DNAH7: variants seen among roughly 807,000 people sequenced by gnomAD.
DNAH7 encodes axonemal beta dynein heavy chain 7.
A neutral mutation model predicts 444.6 loss-of-function variants in DNAH7; 397 were observed. That is an observed-to-expected ratio of 0.89 (90% CI 0.82 to 0.97). The LOEUF is 0.97. Ranked by LOEUF, DNAH7 falls within the 50% of genes least tolerant of loss-of-function variation. The pLI is 0.00. For missense variants in DNAH7, 4,902 were observed against 4,800.8 expected (o/e 1.02, Z -0.62); for synonymous variants, 1,636 against 1,624.4 (o/e 1.01, Z -0.17).
intron 21 of DNAH7, among the ~76,000 whole-genome samples, chr2:195,929,913 AC>A (rs1323102004): frequency 1.3e-5 from 2 of 152,276 alleles, no homozygotes; most frequent in East Asian, 3.8e-4. Context: ...AGCAAAAGAA[AC>A]TATCAACAGA....
chr2:195,737,844 A>T lies in DNAH7; in HGVS notation c.*77T>A. 2 of 1,283,660 alleles carry T rather than the reference A, an allele frequency of 1.6e-6. No homozygotes were observed. The highest frequency in any genetic ancestry group is 2.2e-6 in the Non-Finnish European group (2 of 929,722). The allele number at this position is 1,283,660 out of a possible 1,614,324, so 79.5% of individuals were successfully genotyped here. ...AATGTATTTAAACAAACAAAAAAAA[A>T]GGTTTAAGTAGTAAAATATGCTTTC... On this transcript the variant is annotated 3_prime_UTR_variant, in exon 65 of 65. Coordinates refer to ENST00000312428, the MANE Select transcript of DNAH7 (RefSeq NM_018897.3).
intron 54 of DNAH7, among the ~76,000 whole-genome samples, chr2:195,804,200 T>A (rs1696604708): frequency 6.6e-6 from 1 of 152,212 alleles, no homozygotes; most frequent in Non-Finnish European, 1.5e-5. Flanking sequence ...GAGTACTAGC[T>A]CAGATATTAG....
At chr2:195,863,990 A>T (rs573792398) in intron 41 of DNAH7, among the ~76,000 whole-genome samples, 159 bp downstream of exon 41, 1 of 152,214 alleles carries the variant, frequency 6.6e-6, no homozygotes, top group African/African-American at 2.4e-5. Context: ...TTTCTATTAT[A>T]ATTTCTTGAA....
chr2:195,915,950 C>T (rs1320164005), intron 24 of DNAH7, among the ~76,000 whole-genome samples: 1 of 152,182 alleles, frequency 6.6e-6, no homozygotes, highest in African/African-American at 2.4e-5. Flanking sequence ...ATTACTTTAG[C>T]TCTTTAGGTG....
chr2:195,936,781 A>C lies in DNAH7; in HGVS notation c.3090T>G (p.Val1030=). The part of the protein sequence containing the change: ...IMRSVMQDKH[V]LTVVTIDRML... ...TTCTGTCAATGGTTACAACTGTCAG[A>C]ACATGTTTATCCTAAAAATAAAAAT... Residue 1030 remains valine, a synonymous_variant, in exon 20 of 65, where the codon GTT becomes GTG. Coordinates refer to ENST00000312428, the MANE Select transcript of DNAH7 (RefSeq NM_018897.3). 1 of 1,520,600 alleles carries C rather than the reference A, an allele frequency of 6.6e-7. No individual in the cohort carries two copies. The highest frequency in any genetic ancestry group is 8.8e-7 in the Non-Finnish European group (1 of 1,139,308). The allele number at this position is 1,520,600 out of a possible 1,614,324, so 94.2% of individuals were successfully genotyped here. A position where few individuals can be genotyped will look rare whatever the true frequency, so the allele number is the denominator to read the frequency against.
In DNAH7 at chr2:195,960,677, T is replaced by G; in HGVS notation, c.2474A>C (p.Lys825Thr). The change falls in exon 18 of 65, where the codon AAA (lysine) becomes ACA (threonine). Residue 825 changes from lysine (K) to threonine (T), a missense_variant. Transcript: ENST00000312428. ...HDSPYALAMTKKVRSKVEDFK... is the reference protein window; with the variant it reads ...HDSPYALAMTTKVRSKVEDFK... Reference sequence around the variant, plus strand: ...ATCTTCCACCTTTGATCTTACTTTTTTTGTCATTGCCAATGCATATGGAGA... The same window carrying G: ...ATCTTCCACCTTTGATCTTACTTTTGTTGTCATTGCCAATGCATATGGAGA... 1 of 1,614,216 alleles carries G rather than the reference T, an allele frequency of 6.2e-7. No individual in the cohort carries two copies. The highest frequency in any genetic ancestry group is 8.5e-7 in the Non-Finnish European group (1 of 1,180,028).
Position 195,906,457 on chromosome 2 carries a change from T to C in DNAH7, c.4335+202A>G, listed in dbSNP as rs866996387. Among the ~76,000 whole-genome samples the C allele has an allele frequency of 4.9e-3, 677 of 138,306 alleles. 1 individual carries two copies. Among genetic ancestry groups the C allele is most frequent in the Admixed American group, 8.9e-3 (128 of 14,362 alleles). The allele number at this position is 138,306 out of a possible 152,430, so 90.7% of individuals were successfully genotyped here. A position where few individuals can be genotyped will look rare whatever the true frequency, so the allele number is the denominator to read the frequency against. On this transcript the variant is annotated intron_variant, in intron 27 of 64. Coordinates refer to ENST00000312428, the MANE Select transcript of DNAH7 (RefSeq NM_018897.3). Reference sequence around the variant, plus strand: ...TTTAAAATATTTTCTTTCTTTCTTTTTTTTTTTTTTTTTTTTTTAAGAGAC... The same window carrying C: ...TTTAAAATATTTTCTTTCTTTCTTTCTTTTTTTTTTTTTTTTTTAAGAGAC...
rs183564845 is a variant in DNAH7, at chr2:196,005,513, G to A, written c.990-3655C>T. 2.6e-3 allele frequency among the ~76,000 whole-genome samples: 388 copies of A among 151,750 alleles called. 3 individuals are homozygous for A. The highest frequency in any genetic ancestry group is 3.4e-3 in the Middle Eastern group (1 of 294). ...GCAAAGACTCAAATTGTTAAAATCA[G>A]GAATAAAAGGGGAGACACTAATACT... On this transcript the variant is annotated intron_variant, in intron 10 of 64. Coordinates refer to ENST00000312428, the MANE Select transcript of DNAH7 (RefSeq NM_018897.3).
rs553875119 is a variant in DNAH7 at position 195,771,288 on chromosome 2, G to A, written c.11433+372C>T. ...CCAGGGGTTCATGGCAGCAGTGAGC[G>A]GTAATCACATGACTATACTCCAGTC... On this transcript the variant is annotated intron_variant, in intron 61 of 64. Transcript: ENST00000312428. Among the ~76,000 whole-genome samples the A allele has an allele frequency of 1.1e-4, 17 of 152,026 alleles. No individual in the cohort carries two copies. The East Asian group carries it at 1.2e-3, about 10-fold the overall frequency.
intron 25 of DNAH7, 110 bp downstream of exon 25, chr2:195,909,917 T>C: frequency 8.6e-7 from 1 of 1,167,994 alleles, no homozygotes; most frequent in Non-Finnish European, 1.2e-6. Context: ...CAATTTTTAC[T>C]TTTACTTAAG....
At chr2:195,925,324 A>T (rs1688262323) in intron 22 of DNAH7, among the ~76,000 whole-genome samples, 1 of 152,194 alleles carries the variant, frequency 6.6e-6, no homozygotes. Context: ...CTGGCGGGCC[A>T]CCTTGGAGAA....
At chr2:195,843,039 A>AAACAAT (rs1698783030) in intron 47 of DNAH7, among the ~76,000 whole-genome samples, 1 of 152,226 alleles carries the variant, frequency 6.6e-6, no homozygotes, top group South Asian at 2.1e-4. Flanking sequence ...TCTGAGATAA[A>AAACAAT]AACAATAACA....
chr2:195,960,911 C>T lies in DNAH7; in HGVS notation c.2240G>A (p.Gly747Asp), dbSNP rs1413874684. The part of the protein sequence containing the change: ...EQFNAEEEAF[G>D]WLPSVYPQRK... ...TTGAGGATATACAGATGGTAGCCAA[C>T]CAAATGCTTCCTCTTCAGCATTAAA... is the stretch of plus-strand genomic sequence containing the variant. Residue 747 changes from glycine (G) to aspartate (D), a missense_variant, in exon 18 of 65, where the codon GGT (glycine) becomes GAT (aspartate). Coordinates refer to ENST00000312428, the MANE Select transcript of DNAH7 (RefSeq NM_018897.3). The T allele has an allele frequency of 6.2e-7, 1 of 1,606,326 alleles. No homozygotes were observed. The highest frequency in any genetic ancestry group is 1.7e-5 in the Admixed American group (1 of 59,540).
At chr2:195,853,265 A>AAGTAAAACAAAACCTTGG in intron 46 of DNAH7, 78 bp downstream of exon 46, 1 of 1,365,694 alleles carries the variant, frequency 7.3e-7, no homozygotes, top group South Asian at 1.8e-5. Flanking sequence ...ACTGAAACCA[A>AAGTAAAACAAAACCTTGG]AGTAAAACAA....
chr2:195,897,871 A>T (rs1702424020), intron 28 of DNAH7, 106 bp from the exon 29 acceptor site: 4 of 509,390 alleles, frequency 7.9e-6, no homozygotes, highest in Non-Finnish European at 1.4e-5. Context: ...AACTCAGTTT[A>T]AACAAATGCA....
intron 40 of DNAH7, among the ~76,000 whole-genome samples, chr2:195,870,423 G>A (rs1473812365): frequency 6.6e-6 from 1 of 152,208 alleles, no homozygotes; most frequent in Non-Finnish European, 1.5e-5. Flanking sequence ...CAGAGAAAGA[G>A]TGTTCTAGGC....
At chr2:196,025,544 C>T (rs1362443399) in intron 7 of DNAH7, among the ~76,000 whole-genome samples, 2 of 152,148 alleles carry the variant, frequency 1.3e-5, no homozygotes, top group African/African-American at 4.8e-5. Flanking sequence ...CTATCATTCA[C>T]ACCATTTCCT....
At chr2:195,763,728 A>G (rs1174786925) in intron 61 of DNAH7, among the ~76,000 whole-genome samples, 1 of 151,990 alleles carries the variant, frequency 6.6e-6, no homozygotes, top group Non-Finnish European at 1.5e-5. Flanking sequence ...GATCAAAACC[A>G]TAATAAAGGG....
In DNAH7 at chr2:195,884,780, G is replaced by C; in HGVS notation, c.5568C>G (p.Ser1856=). The C allele has an allele frequency of 3.7e-6, 6 of 1,613,128 alleles. No individual in the cohort carries two copies. The highest frequency in any genetic ancestry group is 4.2e-6 in the Non-Finnish European group (5 of 1,179,662). The change falls in exon 35 of 65, where the codon TCC becomes TCG. Residue 1856 remains serine (S), a synonymous_variant. Coordinates refer to ENST00000312428, the MANE Select transcript of DNAH7 (RefSeq NM_018897.3). The part of the protein sequence containing the change: ...EGIFLFSLIW[S]VGASCTDDDR... ...CATCATCTGTACAAGAAGCACCAAC[G>C]GACCAGATCAATGAAAACAGAAAAA...
Sources: allele counts gnomAD v4.1 joint callset (sites outside exome capture counted in the v4.1 genomes callset), GRCh38; gene constraint gnomAD v4.1.1; transcripts MANE v1.5; gene names NCBI Gene and HGNC (gene_info 2026-07-23, HGNC 2026-07-21).